The following RUBCNL variants were observed in gnomAD, a reference collection of about 807,000 sequenced individuals.
RUBCNL encodes the protein protein associated with UVRAG as autophagy enhancer.
A neutral mutation model predicts 69.5 loss-of-function variants in RUBCNL; 62 were observed. The observed-to-expected ratio is 0.89, with a 90% CI of 0.73 to 1.10. The LOEUF (loss-of-function observed/expected upper bound fraction) is 1.10. Ranked by LOEUF, RUBCNL falls within the 50% of genes least tolerant of loss-of-function variation. The pLI, the probability that RUBCNL is intolerant of heterozygous loss-of-function variation, is 0.00. For synonymous variants in RUBCNL, 291 were observed against 303.6 expected, an observed-to-expected ratio of 0.96 and a Z score of 0.43; for missense variants, 768 against 798.1, an observed-to-expected ratio of 0.96 and a Z score of 0.45.
At chr13:46,384,135 A>G (rs772964015) in intron 1 of RUBCNL, among the ~76,000 whole-genome samples, 2 of 152,382 alleles carry the variant, frequency 1.3e-5, no homozygotes, top group Non-Finnish European at 2.9e-5. Context: ...AGATTTTTAT[A>G]TAAGTCATGG....
At chr13:46,373,162 C>T (rs1280209380) in intron 2 of RUBCNL, among the ~76,000 whole-genome samples, 5 of 152,000 alleles carry the variant, frequency 3.3e-5, no homozygotes, top group South Asian at 2.1e-4. Context: ...TTAGTAGGGA[C>T]GGGGTTTCAC....
chr13:46,381,140 A>ACATT (rs144691091), intron 1 of RUBCNL, among the ~76,000 whole-genome samples: 4,888 of 152,328 alleles, frequency 0.032, 143 homozygotes, highest in Non-Finnish European at 0.051. Flanking sequence ...ATGAGAACAC[A>ACATT]CATTCACACA....
chr13:46,337,467 T>C lies in RUBCNL; in HGVS notation c.*5918A>G, dbSNP rs1214740796. On this transcript the variant is annotated 3_prime_UTR_variant, in exon 15 of 15. Transcript: ENST00000429979. The stretch of plus-strand genomic sequence containing the variant: ...ACCGTGCCTGGTCCGCTCTCTCTCC[T>C]TTCTACCATGTAAGGATACAGTGAG... Among the ~76,000 whole-genome samples, 1 of 152,160 alleles carries C rather than the reference T, an allele frequency of 6.6e-6. No homozygotes were observed. The highest frequency in any genetic ancestry group is 1.5e-5 in the Non-Finnish European group (1 of 68,026).
In RUBCNL at chr13:46,335,260, GTTTTTTTTTTTTTTTT is replaced by G. The variant is rs764458781; in HGVS notation, c.*8109_*8124del. On this transcript the variant is annotated 3_prime_UTR_variant, in exon 15 of 15. Transcript: ENST00000429979. ...GTGTCTTTTTGTTGTTGTTGTTGTT[GTTTTTTTTTTTTTTTT>G]TTTTTTTTTAAGAGACAGGGTCTCG... Among the ~76,000 whole-genome samples the G allele has an allele frequency of 2.0e-5, 2 of 101,886 alleles. No individual in the cohort carries two copies. The highest frequency in any genetic ancestry group is 1.9e-5 in the Non-Finnish European group (1 of 53,468). 66.8% of individuals were successfully genotyped at this position (101,886 alleles called of 152,430 possible).
intron 4 of RUBCNL, 179 bp from the exon 5 acceptor site, chr13:46,368,428 C>A: frequency 1.0e-6 from 1 of 983,646 alleles, no homozygotes; most frequent in East Asian, 1.1e-4. Flanking sequence ...TGTCCAGAGA[C>A]ATAGATTCGG....
chr13:46,356,062 T>C (rs1321537811), intron 10 of RUBCNL, among the ~76,000 whole-genome samples: 1 of 151,912 alleles, frequency 6.6e-6, no homozygotes, highest in Non-Finnish European at 1.5e-5. Context: ...GGAGTGAAAA[T>C]GTGAAAGAAG....
intron 5 of RUBCNL, among the ~76,000 whole-genome samples, chr13:46,363,417 C>A (rs971196871): frequency 1.3e-5 from 2 of 152,178 alleles, no homozygotes; most frequent in Middle Eastern, 3.4e-3. Context: ...GCCTGTAGTC[C>A]CAGCTATTCG....
rs745764549 is a variant in RUBCNL at position 46,368,767 on chromosome 13, G to C, written c.584C>G (p.Pro195Arg). 3.1e-6 allele frequency: 5 copies of C among 1,613,706 alleles called. No individual in the cohort carries two copies. Among genetic ancestry groups the C allele is most frequent in the Non-Finnish European group, 4.2e-6 (5 of 1,179,754 alleles). The stretch of plus-strand genomic sequence containing the variant: ...ATCAACAGGCAGCACAAATACCTCT[G>C]GTGAGAAGGAATTCGAAGAAATGGT... ...RRTISSNSFSPEVFVLPVDVE... is the reference protein window; with the variant it reads ...RRTISSNSFSREVFVLPVDVE... Residue 195 changes from proline (P) to arginine (R), a missense_variant, in exon 4 of 15, where the codon CCA (proline) becomes CGA (arginine). By Grantham distance (103) the Pro-to-Arg change is moderately radical (BLOSUM62 -2). Transcript: ENST00000429979.
In RUBCNL at chr13:46,380,084, T is replaced by A. The variant is rs554460808; in HGVS notation, c.-238-2079A>T. On this transcript the variant is annotated intron_variant, in intron 1 of 14. Transcript: ENST00000429979. ...CTATACTGTTTCCCTGGCTGGGTGG[T>A]ATCACAAAGGACTCCACTCCAGCTG... is the stretch of plus-strand genomic sequence containing the variant. 2.2e-3 allele frequency among the ~76,000 whole-genome samples: 338 copies of A among 152,354 alleles called. 4 individuals carry two copies. Among genetic ancestry groups the A allele is most frequent in the South Asian group, 0.012 (57 of 4,830 alleles).
chr13:46,371,774 C>G (rs1287500428), intron 3 of RUBCNL, among the ~76,000 whole-genome samples, 167 bp downstream of exon 3: 1 of 152,228 alleles, frequency 6.6e-6, no homozygotes, highest in Non-Finnish European at 1.5e-5. Context: ...AAGGAGAAAG[C>G]CAATATTTGA....
intron 2 of RUBCNL, among the ~76,000 whole-genome samples, chr13:46,372,996 C>G (rs2138808642): frequency 6.6e-6 from 1 of 150,386 alleles, no homozygotes; most frequent in East Asian, 1.9e-4. Flanking sequence ...TTTTTAAACA[C>G]AGAGTCTCAC....
At position 46,339,722 on chromosome 13, in the gene RUBCNL, G is replaced by C. The variant is rs904656363; in HGVS notation, c.*3663C>G. 2.6e-5 allele frequency among the ~76,000 whole-genome samples: 4 copies of C among 152,070 alleles called. No individual in the cohort carries two copies. Among genetic ancestry groups the C allele is most frequent in the African/African-American group, 9.7e-5 (4 of 41,398 alleles). On this transcript the variant is annotated 3_prime_UTR_variant, in exon 15 of 15. Coordinates refer to ENST00000429979, the MANE Select transcript of RUBCNL (RefSeq NM_025113.5). ...AAAAATACAAAAATTATCCAGGCCTGGTGGCGTGCGCCTGCAATCCCAGCT... is the reference window on the plus strand; with the variant it reads ...AAAAATACAAAAATTATCCAGGCCTCGTGGCGTGCGCCTGCAATCCCAGCT...
At chr13:46,352,316 A>G (rs943046429) in intron 10 of RUBCNL, among the ~76,000 whole-genome samples, 2 of 152,264 alleles carry the variant, frequency 1.3e-5, no homozygotes, top group Non-Finnish European at 2.9e-5. Context: ...AGGTTCTGAC[A>G]TGAACCAAGT....
chr13:46,367,991 G>A (rs753599814), intron 5 of RUBCNL, 51 bp downstream of exon 5: 4 of 1,517,230 alleles, frequency 2.6e-6, no homozygotes, highest in Non-Finnish European at 2.7e-6. Flanking sequence ...TTATAGAGGA[G>A]ATATATGTGA....
At chr13:46,389,971 C>T (rs1039057151), upstream of RUBCNL, 1 of 152,280 alleles carries the variant, frequency 6.6e-6, no homozygotes, top group African/African-American at 2.4e-5. The surrounding 1 kb of genome is among the most constrained non-coding windows in gnomAD (Gnocchi z 4.2). Flanking sequence ...AGGTGAACTT[C>T]CAGATCACAG....
At chr13:46,386,215 C>T (rs1363726564) in intron 1 of RUBCNL, among the ~76,000 whole-genome samples, 3 of 152,026 alleles carry the variant, frequency 2.0e-5, no homozygotes, top group Non-Finnish European at 4.4e-5. Flanking sequence ...GAGTATTCTC[C>T]CCCTGAGGCA....
chr13:46,359,554 C>A lies in RUBCNL; in HGVS notation c.1197G>T (p.Arg399Ser). 1 of 1,592,424 alleles carries A rather than the reference C, an allele frequency of 6.3e-7. No homozygotes were observed. The highest frequency in any genetic ancestry group is 8.6e-7 in the Non-Finnish European group (1 of 1,168,582). The change falls in exon 9 of 15, where the codon AGG (arginine) becomes AGT (serine). Residue 399 changes from arginine (R) to serine (S), a missense_variant. Transcript: ENST00000429979. ...GAGCCCAGTCTTCAGTCCCTCTGAT[C>A]CTAGACTTAAATTTAATTTCCTGTA... ...NVVQEIKFKS[R>S]IRGTEDWAPP...
intron 10 of RUBCNL, 125 bp from the exon 11 acceptor site, chr13:46,350,476 A>G (rs971461242): frequency 1.9e-5 from 13 of 690,068 alleles, no homozygotes; most frequent in Non-Finnish European, 2.9e-5. Flanking sequence ...TGATAAAGCC[A>G]TACTCAACCT....
rs1413481274 is a variant in RUBCNL at position 46,341,307 on chromosome 13, A to G, written c.*2078T>C. On this transcript the variant is annotated 3_prime_UTR_variant, in exon 15 of 15. Coordinates refer to ENST00000429979, the MANE Select transcript of RUBCNL (RefSeq NM_025113.5). The stretch of plus-strand genomic sequence containing the variant: ...GAAGAGTTGAACAGAAAACCCACAC[A>G]ATCAGGAAGACCCATTAAACAGCTA... Among the ~76,000 whole-genome samples, 2 of 152,164 alleles carry G rather than the reference A, an allele frequency of 1.3e-5. No individual in the cohort carries two copies. The highest frequency in any genetic ancestry group is 2.4e-5 in the African/African-American group (1 of 41,432).
Sources: gnomAD v4.1 joint callset for allele counts (sites outside exome capture counted in the v4.1 genomes callset) on GRCh38, gnomAD v4.1.1 for gene constraint, Gnocchi (gnomAD v3.1) non-coding constraint, MANE v1.5 for transcripts, NCBI Gene and HGNC (gene_info 2026-07-23, HGNC 2026-07-21) for gene names.